XYLT1: variants seen among roughly 807,000 people sequenced by gnomAD.
XYLT1 encodes beta-D-xylosyltransferase 1.
Under a neutral mutation model 91.3 loss-of-function variants are expected in XYLT1, and 36 were observed. The ratio of observed to expected loss-of-function variants is 0.39; its 90% CI spans 0.30 to 0.52. The LOEUF is 0.52. XYLT1 is among the 20% of genes least tolerant of loss of function. XYLT1 has a pLI of 0.68. For synonymous variants in XYLT1, 588 were observed against 532.0 expected (o/e 1.11, Z -1.45); for missense variants, 1,242 against 1,284.5 (o/e 0.97, Z 0.51).
intron 3 of XYLT1, among the ~76,000 whole-genome samples, chr16:17,226,755 C>T (rs1184899050): frequency 6.6e-6 from 1 of 152,178 alleles, no homozygotes; most frequent in East Asian, 1.9e-4. Context: ...TGTACTCCAG[C>T]CTGGATGACA....
rs529092875 is a variant in XYLT1, at chr16:17,458,852, ATTTTCC to A, written c.363+11576_363+11581del. 1.9e-3 allele frequency among the ~76,000 whole-genome samples: 294 copies of A among 152,100 alleles called. 1 individual carries two copies. The highest frequency in any genetic ancestry group is 6.6e-3 in the African/African-American group (275 of 41,500). On this transcript the variant is annotated intron_variant, in intron 1 of 11. Transcript: ENST00000261381. The stretch of plus-strand genomic sequence containing the variant: ...TTTGATTGGCTGGTTATATTTCTGT[ATTTTCC>A]ATAATATACATTTAAAGAAATATAC...
At chr16:17,418,913 C>A (rs947564326) in intron 1 of XYLT1, among the ~76,000 whole-genome samples, 4 of 152,014 alleles carry the variant, frequency 2.6e-5, no homozygotes, top group Non-Finnish European at 4.4e-5. Flanking sequence ...GCACAGGGGT[C>A]TCTATGCCCT....
chr16:17,297,320 A>T (rs932017792), intron 2 of XYLT1, among the ~76,000 whole-genome samples: 1 of 152,118 alleles, frequency 6.6e-6, no homozygotes, highest in Non-Finnish European at 1.5e-5. Flanking sequence ...TAATCCCAGC[A>T]CTCCAGGAAG....
chr16:17,271,151 TTTTG>T (rs76240696), intron 2 of XYLT1, among the ~76,000 whole-genome samples: 111 of 151,480 alleles, frequency 7.3e-4, no homozygotes, highest in South Asian at 1.7e-3. Flanking sequence ...CCTAACTGTT[TTTTG>T]TTTGTTTGTT....
At chr16:17,300,122 C>A (rs1367226560) in intron 2 of XYLT1, among the ~76,000 whole-genome samples, 2 of 152,102 alleles carry the variant, frequency 1.3e-5, no homozygotes, top group Non-Finnish European at 2.9e-5. Flanking sequence ...ATTTGGGGGT[C>A]AAAAGAGTGG....
chr16:17,375,749 T>A (rs2035592115), intron 1 of XYLT1, among the ~76,000 whole-genome samples: 1 of 152,240 alleles, frequency 6.6e-6, no homozygotes. Flanking sequence ...GCCAGGTGGA[T>A]GGGTCTGCTG....
chr16:17,340,095 C>G (rs1044812812), intron 2 of XYLT1, among the ~76,000 whole-genome samples: 1 of 152,042 alleles, frequency 6.6e-6, no homozygotes, highest in African/African-American at 2.4e-5. Flanking sequence ...TATCCATCTG[C>G]CCACCCATCC....
rs1478572124 is a variant in XYLT1, at chr16:17,135,655, ATGGTAAGGGAC to A, written c.1765-931_1765-921del. The stretch of plus-strand genomic sequence containing the variant: ...AACTCTCAAGGCAACAGGCCCAGAG[ATGGTAAGGGAC>A]TTAGCTGAGAACACACAGCAAGTCA... On this transcript the variant is annotated intron_variant, in intron 8 of 11. Transcript: ENST00000261381. Among the ~76,000 whole-genome samples, 3 of 152,234 alleles carry A rather than the reference ATGGTAAGGGAC, an allele frequency of 2.0e-5. No homozygotes were observed. The East Asian group carries it at 5.8e-4, about 29-fold the overall frequency.
Position 17,240,810 on chromosome 16 carries a change from T to C in XYLT1, c.913+18178A>G, listed in dbSNP as rs528994715. Among the ~76,000 whole-genome samples, 33 of 152,336 alleles carry C rather than the reference T, an allele frequency of 2.2e-4. 1 individual carries two copies. The East Asian group carries it at 3.3e-3, about 15-fold the overall frequency. On this transcript the variant is annotated intron_variant, in intron 3 of 11. Coordinates refer to ENST00000261381, the MANE Select transcript of XYLT1 (RefSeq NM_022166.4). ...CATCATTCCATTTAGGAGAACCTGT[T>C]GGATAGATACTATCATTAGCCCCAT... is the stretch of plus-strand genomic sequence containing the variant.
chr16:17,138,321 CTTAGGAGGCTGGCAGACCATGA>C lies in XYLT1; in HGVS notation c.1764+12_1764+33del. 1.3e-6 allele frequency: 2 copies of C among 1,593,850 alleles called. No homozygotes were observed. The highest frequency in any genetic ancestry group is 1.1e-5 in the South Asian group (1 of 90,560). ...GCAGAGGTTTGTTGGGAAGGCATCA[CTTAGGAGGCTGGCAGACCATGA>C]GAAAGTCTCACCTGGAAGCGGTGGA... On this transcript the variant is annotated intron_variant, in intron 8 of 11. Coordinates refer to ENST00000261381, the MANE Select transcript of XYLT1 (RefSeq NM_022166.4).
intron 3 of XYLT1, among the ~76,000 whole-genome samples, chr16:17,223,608 G>A (rs1329678850): frequency 6.6e-6 from 1 of 152,240 alleles, no homozygotes; most frequent in African/African-American, 2.4e-5. Context: ...GATGCTGTGT[G>A]TTGAAGATAG....
intron 3 of XYLT1, among the ~76,000 whole-genome samples, chr16:17,222,365 G>A (rs1213437120): frequency 6.6e-6 from 1 of 152,144 alleles, no homozygotes; most frequent in East Asian, 1.9e-4. Flanking sequence ...CAGGGATACC[G>A]CTAAACGTCC....
At chr16:17,170,054 T>C (rs1212405490) in intron 5 of XYLT1, among the ~76,000 whole-genome samples, 1 of 152,202 alleles carries the variant, frequency 6.6e-6, no homozygotes, top group East Asian at 1.9e-4. Context: ...CACTGAGCCT[T>C]GGTTTTCTAA....
intron 1 of XYLT1, among the ~76,000 whole-genome samples, chr16:17,445,537 G>A (rs896719545): frequency 2.6e-5 from 4 of 152,144 alleles, no homozygotes; most frequent in East Asian, 1.9e-4. Flanking sequence ...GAGAGGCCCC[G>A]GGCTCACCTG....
intron 1 of XYLT1, among the ~76,000 whole-genome samples, chr16:17,430,470 G>A (rs7196585): frequency 0.056 from 8,556 of 152,208 alleles, 335 homozygotes; most frequent in African/African-American, 0.097. Flanking sequence ...TTTCCCTGGA[G>A]AACCAAACTA....
chr16:17,135,855 A>G (rs1296494377), intron 8 of XYLT1, among the ~76,000 whole-genome samples: 3 of 152,198 alleles, frequency 2.0e-5, no homozygotes, highest in Non-Finnish European at 4.4e-5. Context: ...AAGCAGCCAC[A>G]GACAGACAAG....
intron 2 of XYLT1, among the ~76,000 whole-genome samples, chr16:17,274,751 G>A (rs568944151): frequency 1.3e-5 from 2 of 152,218 alleles, no homozygotes; most frequent in Admixed American, 1.3e-4. Flanking sequence ...CCAGGCAAGG[G>A]CAAAGCATGT....
At chr16:17,240,971 C>A (rs745704912) in intron 3 of XYLT1, among the ~76,000 whole-genome samples, 2 of 152,168 alleles carry the variant, frequency 1.3e-5, no homozygotes, top group Non-Finnish European at 2.9e-5. Flanking sequence ...CTGGACAGGA[C>A]CATTTCCAGT....
chr16:17,325,553 T>G (rs547487722), intron 2 of XYLT1, among the ~76,000 whole-genome samples: 1 of 152,224 alleles, frequency 6.6e-6, no homozygotes, highest in East Asian at 1.9e-4. Flanking sequence ...TAAATAGAGG[T>G]TGAAATCAAT....
Sources: gnomAD v4.1 joint callset for allele counts (sites outside exome capture counted in the v4.1 genomes callset) on GRCh38, gnomAD v4.1.1 for gene constraint, MANE v1.5 for transcripts, NCBI Gene and HGNC (gene_info 2026-07-23, HGNC 2026-07-21) for gene names.